The following TSPAN32 variants were observed in gnomAD, a reference collection of about 807,000 sequenced individuals.
TSPAN32 encodes tetraspanin 32.
Under a neutral mutation model 42.7 loss-of-function variants are expected in TSPAN32, and 47 were observed. The ratio of observed to expected loss-of-function variants is 1.10; its 90% CI spans 0.87 to 1.40. The LOEUF is 1.40. Ranked by LOEUF, TSPAN32 falls within the 40% of genes most tolerant of loss-of-function variation. The probability of loss-of-function intolerance (pLI) is 0.00; values close to 1 mark genes in which losing one functional copy is unlikely to be tolerated. For synonymous variants in TSPAN32, 175 were observed against 175.9 expected (o/e 0.99, Z 0.04); for missense variants, 469 against 424.1 (o/e 1.11, Z -0.93).
chr11:2,313,696 C>T lies in TSPAN32; in HGVS notation c.397C>T (p.Gln133Ter). 6.2e-7 allele frequency: 1 copy of T among 1,609,252 alleles called. No homozygotes were observed. The highest frequency in any genetic ancestry group is 1.1e-5 in the South Asian group (1 of 90,078). ...MLDTYDLVYEQAMKGTSHVRR... is the reference protein window; with the variant it reads ...MLDTYDLVYE The stretch of plus-strand genomic sequence containing the variant: ...GGACACCTACGACCTGGTATATGAG[C>T]AGGCGATGAAAGGTACGTCCCACGT... Residue 133 changes from glutamine to a stop codon, truncating the protein, a stop_gained, in exon 5 of 10, where the codon CAG (glutamine) becomes TAG (stop). Transcript: ENST00000182290. LOFTEE classifies it high-confidence loss of function. The surrounding 1 kb of genome is among the most constrained non-coding windows in gnomAD (Gnocchi z 9.1).
chr11:2,314,430 C>A, intron 5 of TSPAN32, 55 bp from the exon 6 acceptor site: 1 of 1,450,686 alleles, frequency 6.9e-7, no homozygotes, highest in Non-Finnish European at 9.5e-7. Flanking sequence ...TATGTGCTGC[C>A]CGCCTCCTGG....
At position 2,313,865 on chromosome 11, in the gene TSPAN32, T is replaced by G; in HGVS notation, c.456+110T>G. The G allele has an allele frequency of 2.3e-6, 2 of 875,078 alleles. No individual in the cohort carries two copies. Among genetic ancestry groups the G allele is most frequent in the Non-Finnish European group, 3.5e-6 (2 of 567,262 alleles). 54.2% of individuals were successfully genotyped at this position (875,078 alleles called of 1,614,324 possible). ...GAGGTCTGGCCAGGCACCGAGGGGGTTCCAGGACACAGGCCAGAGTTGCCC... is the reference window on the plus strand; with the variant it reads ...GAGGTCTGGCCAGGCACCGAGGGGGGTCCAGGACACAGGCCAGAGTTGCCC... On this transcript the variant is annotated intron_variant, in intron 5 of 9. Coordinates refer to ENST00000182290, the MANE Select transcript of TSPAN32 (RefSeq NM_139022.3). This position sits in a 1 kb window ranked among gnomAD's most constrained non-coding sequence, Gnocchi z 9.1.
At position 2,308,728 on chromosome 11, in the gene TSPAN32, G is replaced by C; in HGVS notation, c.280-8G>C. 1 of 1,551,740 alleles carries C rather than the reference G, an allele frequency of 6.4e-7. No individual in the cohort carries two copies. Among genetic ancestry groups the C allele is most frequent in the Non-Finnish European group, 8.7e-7 (1 of 1,146,118 alleles). ...CCTCAACAGTGACCAGCCCCGCTCT[G>C]CCCCCAGGGCTTCCTGTGCTTCTCC... is the stretch of plus-strand genomic sequence containing the variant. On this transcript the variant is annotated splice_region_variant and splice_polypyrimidine_tract_variant and intron_variant, in intron 3 of 9. Coordinates refer to ENST00000182290, the MANE Select transcript of TSPAN32 (RefSeq NM_139022.3).
chr11:2,315,347 G>A (rs1848721418), intron 6 of TSPAN32: 1 of 1,160,794 alleles, frequency 8.6e-7, no homozygotes, highest in Non-Finnish European at 1.1e-6. Context: ...GAGGGCAGAA[G>A]GGCTGGCGCT....
At position 2,302,068 on chromosome 11, in the gene TSPAN32, G is replaced by C. The variant is rs1330531364; in HGVS notation, c.-82G>C. ...GGATGCAGCCTACCTCCTGGGCAGT[G>C]AGCTGCGGTCTGAGGCCCCTGCCCA... On this transcript the variant is annotated 5_prime_UTR_variant, in exon 1 of 10. An upstream open reading frame in the 5' UTR loses its in-frame stop. Transcript: ENST00000182290. 6.7e-7 allele frequency: 1 copy of C among 1,493,900 alleles called. No homozygotes were observed. Among genetic ancestry groups the C allele is most frequent in the Non-Finnish European group, 8.9e-7 (1 of 1,124,736 alleles). The allele number at this position is 1,493,900 out of a possible 1,614,324, so 92.5% of individuals were successfully genotyped here.
At chr11:2,308,050 C>G (rs1422701600) in intron 3 of TSPAN32, among the ~76,000 whole-genome samples, 1 of 152,146 alleles carries the variant, frequency 6.6e-6, no homozygotes, top group African/African-American at 2.4e-5. Flanking sequence ...CAGGTCCATG[C>G]CCCTCAGGAA....
At position 2,313,247 on chromosome 11, in the gene TSPAN32, G is replaced by A. The variant is rs749514954; in HGVS notation, c.355-407G>A. Among the ~76,000 whole-genome samples, 2 of 152,182 alleles carry A rather than the reference G, an allele frequency of 1.3e-5. No homozygotes were observed. Among genetic ancestry groups the A allele is most frequent in the Non-Finnish European group, 2.9e-5 (2 of 68,024 alleles). On this transcript the variant is annotated intron_variant, in intron 4 of 9. Coordinates refer to ENST00000182290, the MANE Select transcript of TSPAN32 (RefSeq NM_139022.3). The surrounding 1 kb of genome is among the most constrained non-coding windows in gnomAD (Gnocchi z 9.1). ...ATCCCCAAGCTTTCTGGGAGCTGAG[G>A]TCCTGGCACAGGGTCTCTCAAGCCT... is the stretch of plus-strand genomic sequence containing the variant.
chr11:2,317,311 C>G lies in TSPAN32; in HGVS notation c.720-33C>G. On this transcript the variant is annotated intron_variant, in intron 8 of 9. Transcript: ENST00000182290. The surrounding 1 kb of genome is among the most constrained non-coding windows in gnomAD (Gnocchi z 6.2). ...CCTCACAGGTCCCCTGTAGAACATT[C>G]CACCACAGCCCCATGATCCCCTTGC... 3 of 1,543,888 alleles carry G rather than the reference C, an allele frequency of 1.9e-6. No individual in the cohort carries two copies. Among genetic ancestry groups the G allele is most frequent in the Non-Finnish European group, 2.6e-6 (3 of 1,136,088 alleles).
At chr11:2,312,473 G>C (rs763581502) in intron 4 of TSPAN32, among the ~76,000 whole-genome samples, 1 of 152,254 alleles carries the variant, frequency 6.6e-6, no homozygotes, top group African/African-American at 2.4e-5. Flanking sequence ...GATGACTCAC[G>C]GAGAGTGGTC....
At chr11:2,314,648 G>C (rs1268756698) in intron 6 of TSPAN32, 77 bp downstream of exon 6, 1 of 1,223,870 alleles carries the variant, frequency 8.2e-7, no homozygotes, top group Non-Finnish European at 1.2e-6. Flanking sequence ...CCAAGACCCA[G>C]GGCCATCCTC....
chr11:2,315,137 TTTCTCC>T, intron 6 of TSPAN32: 1 of 718,068 alleles, frequency 1.4e-6, no homozygotes, highest in Non-Finnish European at 1.8e-6. Context: ...CCCTCCTCTC[TTTCTCC>T]TGGTGCCCGG....
Position 2,318,088 on chromosome 11 carries a change from G to A in TSPAN32, c.*164G>A. On this transcript the variant is annotated 3_prime_UTR_variant, in exon 10 of 10. Transcript: ENST00000182290. This position sits in a 1 kb window ranked among gnomAD's most constrained non-coding sequence, Gnocchi z 4.2. ...GTCCCTCCACCTTCAAACCAGCAAT[G>A]GTGCATTGAGCAAATTGTGGTCAAA... 1 of 574,260 alleles carries A rather than the reference G, an allele frequency of 1.7e-6. No individual in the cohort carries two copies. The highest frequency in any genetic ancestry group is 3.1e-6 in the Non-Finnish European group (1 of 326,674). The allele number at this position is 574,260 out of a possible 1,614,324, so 35.6% of individuals were successfully genotyped here.
rs559710056 is a variant in TSPAN32 at position 2,310,571 on chromosome 11, G to A, written c.354+1761G>A. ...TGACTTCTGGCATCATCTGTGTCAG[G>A]CCTGGTGGCCATGGAGGTGGCCTGG... On this transcript the variant is annotated intron_variant, in intron 4 of 9. Transcript: ENST00000182290. Among the ~76,000 whole-genome samples, 135 of 152,360 alleles carry A rather than the reference G, an allele frequency of 8.9e-4. 1 individual carries two copies. Among genetic ancestry groups the A allele is most frequent in the Non-Finnish European group, 1.6e-3 (108 of 68,028 alleles).
intron 8 of TSPAN32, among the ~76,000 whole-genome samples, chr11:2,316,884 A>AC (rs1175464178): frequency 6.6e-6 from 1 of 151,556 alleles, no homozygotes; most frequent in Non-Finnish European, 1.5e-5. Flanking sequence ...CCACATGGGG[A>AC]CCCCCCTTTG....
rs1848837899 is a variant in TSPAN32, at chr11:2,317,014, A to T, written c.720-330A>T. ...AGCTCCTCATGCTTAGGGGGCAGGG[A>T]GGGTCCAACCCACAGCCAGGCAGCT... On this transcript the variant is annotated intron_variant, in intron 8 of 9. Transcript: ENST00000182290. The surrounding 1 kb of genome is among the most constrained non-coding windows in gnomAD (Gnocchi z 6.2). Among the ~76,000 whole-genome samples the T allele has an allele frequency of 6.6e-6, 1 of 151,910 alleles. No individual in the cohort carries two copies. The highest frequency in any genetic ancestry group is 2.1e-4 in the South Asian group (1 of 4,820).
rs752693628 is a variant in TSPAN32, at chr11:2,317,510, C to A, written c.886C>A (p.Leu296Met). 23 of 1,584,460 alleles carry A rather than the reference C, an allele frequency of 1.5e-5. No homozygotes were observed. Among genetic ancestry groups the A allele is most frequent in the Non-Finnish European group, 1.8e-5 (21 of 1,167,078 alleles). ...TGCGCCTCTGCCCCTCTCCTGCCAC[C>A]TGGCTGCCCACAGAGGTGAAGACGC... ...DAAPLPLSCHLAAHRALQGRS... is the reference protein window; with the variant it reads ...DAAPLPLSCHMAAHRALQGRS... The change falls in exon 9 of 10, where the codon CTG becomes ATG. Residue 296 changes from leucine (L) to methionine (M), a missense_variant. By Grantham distance (15) the Leu-to-Met change is conservative. Transcript: ENST00000182290. This position sits in a 1 kb window ranked among gnomAD's most constrained non-coding sequence, Gnocchi z 6.2.
At chr11:2,311,429 C>T (rs1302444346) in intron 4 of TSPAN32, among the ~76,000 whole-genome samples, 1 of 152,192 alleles carries the variant, frequency 6.6e-6, no homozygotes, top group Non-Finnish European at 1.5e-5. Flanking sequence ...TCCCCCTGTG[C>T]CCTGACGAGT....
At chr11:2,310,922 C>T (rs867712479) in intron 4 of TSPAN32, among the ~76,000 whole-genome samples, 1 of 152,176 alleles carries the variant, frequency 6.6e-6, no homozygotes, top group Non-Finnish European at 1.5e-5. Context: ...ACCCTCAGGG[C>T]CCACCAGAGC....
At chr11:2,308,880 G>A in intron 4 of TSPAN32, 70 bp downstream of exon 4, 1 of 1,079,612 alleles carries the variant, frequency 9.3e-7, no homozygotes, top group Non-Finnish European at 1.4e-6. Context: ...TGGGGACTGG[G>A]GAGCAGTCCT....
Sources: allele counts gnomAD v4.1 joint callset (sites outside exome capture counted in the v4.1 genomes callset), GRCh38; gene constraint gnomAD v4.1.1; non-coding constraint Gnocchi (gnomAD v3.1); transcripts MANE v1.5; gene names NCBI Gene and HGNC (gene_info 2026-07-23, HGNC 2026-07-21).